Variants in GRIA4 observed in about 807,000 individuals in gnomAD.
The protein encoded by GRIA4 is glutamate ionotropic receptor AMPA type subunit 4.
GRIA4 carries 34 observed loss-of-function variants against 104.0 expected under a neutral mutation model. The ratio of observed to expected loss-of-function variants is 0.33; its 90% confidence interval spans 0.25 to 0.44. GRIA4 has a LOEUF of 0.44. GRIA4 is among the 20% of genes least tolerant of loss of function. The pLI is 1.00. For synonymous variants in GRIA4, 386 were observed against 381.9 expected (o/e 1.01, Z -0.13); for missense variants, 750 against 1,096.5 (o/e 0.68, Z 4.46).
chr11:105,921,331 G>GTGTT (rs1170748684), intron 11 of GRIA4, among the ~76,000 whole-genome samples: 1 of 151,848 alleles, frequency 6.6e-6, no homozygotes, highest in Non-Finnish European at 1.5e-5. Context: ...GTGTGTGTGT[G>GTGTT]TGTGTGTGTG....
chr11:105,791,958 C>T (rs1942231564), intron 4 of GRIA4, among the ~76,000 whole-genome samples: 1 of 152,052 alleles, frequency 6.6e-6, no homozygotes, highest in Non-Finnish European at 1.5e-5. Flanking sequence ...ACAGTTTATT[C>T]TCATGGATCT....
intron 3 of GRIA4, among the ~76,000 whole-genome samples, chr11:105,684,888 G>GT (rs1952825802): frequency 6.6e-6 from 1 of 151,638 alleles, no homozygotes; most frequent in Non-Finnish European, 1.5e-5. Context: ...AACTTACATT[G>GT]TAAAGATTAC....
intron 3 of GRIA4, among the ~76,000 whole-genome samples, chr11:105,699,097 G>A (rs908867421): frequency 5.9e-5 from 9 of 152,118 alleles, no homozygotes; most frequent in Non-Finnish European, 1.2e-4. Flanking sequence ...TACTAATGCC[G>A]AAACTGACAA....
intron 3 of GRIA4, among the ~76,000 whole-genome samples, chr11:105,702,848 T>C (rs1472725035): frequency 5.9e-5 from 9 of 151,854 alleles, no homozygotes; most frequent in East Asian, 5.8e-4. Context: ...GCATGTACTA[T>C]GACACCCGGC....
intron 3 of GRIA4, among the ~76,000 whole-genome samples, chr11:105,730,548 G>A (rs756386253): frequency 2.5e-4 from 38 of 152,052 alleles, no homozygotes; most frequent in Non-Finnish European, 2.8e-4. Flanking sequence ...ATATGGAACC[G>A]AAAAAGAGCC....
intron 5 of GRIA4, among the ~76,000 whole-genome samples, chr11:105,875,172 C>A (rs1330360046): frequency 1.3e-5 from 2 of 152,154 alleles, no homozygotes; most frequent in Admixed American, 1.3e-4. Flanking sequence ...TTGAGATAAT[C>A]ATGTGGTTTT....
At chr11:105,843,773 C>T (rs1212535294) in intron 4 of GRIA4, among the ~76,000 whole-genome samples, 2 of 152,096 alleles carry the variant, frequency 1.3e-5, no homozygotes, top group Non-Finnish European at 2.9e-5. Context: ...TAGATATTGA[C>T]CTTTGGCCAG....
chr11:105,720,162 T>C lies in GRIA4; in HGVS notation c.248-32819T>C, dbSNP rs144639381. 2.6e-3 allele frequency among the ~76,000 whole-genome samples: 401 copies of C among 151,970 alleles called. 4 individuals carry two copies. The East Asian group carries it at 0.035, about 13-fold the overall frequency. On this transcript the variant is annotated intron_variant, in intron 3 of 16. Transcript: ENST00000282499. The stretch of plus-strand genomic sequence containing the variant: ...AAGTACTTTCCTAAAAATAAGAAGC[T>C]ACCATTTTTAAATTGTGAATTTCCT...
chr11:105,938,485 A>C (rs1304796632), intron 14 of GRIA4, among the ~76,000 whole-genome samples: 1 of 152,202 alleles, frequency 6.6e-6, no homozygotes, highest in East Asian at 1.9e-4. Flanking sequence ...CGTTGTGGAA[A>C]TTAGTTGCAG....
intron 6 of GRIA4, among the ~76,000 whole-genome samples, chr11:105,891,496 G>C (rs1946453625): frequency 6.6e-6 from 1 of 152,072 alleles, no homozygotes; most frequent in African/African-American, 2.4e-5. Flanking sequence ...TGACCCCACA[G>C]TTTTTCCCAC....
chr11:105,919,258 T>C (rs1214456371), intron 11 of GRIA4, among the ~76,000 whole-genome samples: 4 of 152,138 alleles, frequency 2.6e-5, no homozygotes, highest in Non-Finnish European at 5.9e-5. Flanking sequence ...TAATCTTGTA[T>C]TTGATAACTG....
chr11:105,699,008 T>C (rs1258111237), intron 3 of GRIA4, among the ~76,000 whole-genome samples: 4 of 152,224 alleles, frequency 2.6e-5, no homozygotes, highest in African/African-American at 4.8e-5. Flanking sequence ...TGCTGAGTTA[T>C]CCTAACTTCC....
chr11:105,760,758 G>A (rs968940996), intron 4 of GRIA4, among the ~76,000 whole-genome samples: 9 of 151,188 alleles, frequency 6.0e-5, no homozygotes, highest in Admixed American at 2.0e-4. Context: ...TATCATGTTT[G>A]TTAAGGTACA....
At chr11:105,848,545 C>T (rs1310240902) in intron 4 of GRIA4, among the ~76,000 whole-genome samples, 2 of 152,060 alleles carry the variant, frequency 1.3e-5, no homozygotes, top group East Asian at 1.9e-4. Flanking sequence ...GGAAAATAAC[C>T]GGATGGGTAG....
At chr11:105,683,264 T>C (rs1179267161) in intron 3 of GRIA4, among the ~76,000 whole-genome samples, 8 of 151,974 alleles carry the variant, frequency 5.3e-5, no homozygotes, top group South Asian at 2.1e-4. Flanking sequence ...TATCCTTGTA[T>C]ATGATGCCTC....
intron 3 of GRIA4, among the ~76,000 whole-genome samples, chr11:105,698,343 T>C (rs956978097): frequency 7.2e-5 from 11 of 152,334 alleles, no homozygotes; most frequent in African/African-American, 2.4e-4. Flanking sequence ...TATGTTTTTG[T>C]ATAAACCTCA....
At chr11:105,726,956 C>T (rs1481440466) in intron 3 of GRIA4, among the ~76,000 whole-genome samples, 2 of 151,972 alleles carry the variant, frequency 1.3e-5, no homozygotes, top group African/African-American at 4.8e-5. Flanking sequence ...CTTAAAATGC[C>T]AAAAACTACA....
intron 14 of GRIA4, among the ~76,000 whole-genome samples, chr11:105,938,582 A>G (rs1257146361): frequency 6.6e-6 from 1 of 152,208 alleles, no homozygotes; most frequent in African/African-American, 2.4e-5. Flanking sequence ...TTAGTGCCAT[A>G]TTAAAAGATG....
At chr11:105,661,750 C>T (rs1373924) in intron 3 of GRIA4, among the ~76,000 whole-genome samples, 151,802 of 151,848 alleles carry the variant, frequency 1, 75,878 homozygotes, top group Non-Finnish European at 1. Flanking sequence ...CAAATTTGGA[C>T]GATGGAATAT....
Sources: gnomAD v4.1 joint callset for allele counts (sites outside exome capture counted in the v4.1 genomes callset) on GRCh38, gnomAD v4.1.1 for gene constraint, MANE v1.5 for transcripts, NCBI Gene and HGNC (gene_info 2026-07-23, HGNC 2026-07-21) for gene names.